Variants in TNFRSF19 observed in about 807,000 individuals in gnomAD.
TNFRSF19 encodes the protein tumor necrosis factor receptor superfamily member 19.
A neutral mutation model predicts 46.4 loss-of-function variants in TNFRSF19; 27 were observed. The observed-to-expected ratio is 0.58, with a 90% CI of 0.43 to 0.80. The LOEUF is 0.80. TNFRSF19 is among the 30% of genes least tolerant of loss of function. The pLI is 0.00. For missense variants in TNFRSF19, 511 were observed against 530.8 expected (o/e 0.96, Z 0.37); for synonymous variants, 204 against 205.0 (o/e 1.00, Z 0.04).
intron 9 of TNFRSF19, chr13:23,669,411 A>G: frequency 9.1e-7 from 1 of 1,101,710 alleles, no homozygotes; most frequent in Non-Finnish European, 1.1e-6. Flanking sequence ...CATCTTGCAG[A>G]CAATTCCTGA....
intron 3 of TNFRSF19, among the ~76,000 whole-genome samples, chr13:23,612,333 T>A (rs1331762793): frequency 2.0e-5 from 3 of 152,206 alleles, no homozygotes; most frequent in Non-Finnish European, 4.4e-5. Flanking sequence ...CTGAATGAAA[T>A]GAAAACATCA....
At chr13:23,579,881 G>C (rs1878274492) in intron 1 of TNFRSF19, among the ~76,000 whole-genome samples, 1 of 151,302 alleles carries the variant, frequency 6.6e-6, no homozygotes, top group African/African-American at 2.4e-5. Flanking sequence ...GCCCAAGCCC[G>C]ACCCGGCCCC....
intron 3 of TNFRSF19, among the ~76,000 whole-genome samples, chr13:23,613,058 CT>C (rs1221723087): frequency 1.3e-5 from 2 of 152,118 alleles, no homozygotes; most frequent in Non-Finnish European, 2.9e-5. Flanking sequence ...ATTATGATTT[CT>C]TTTTGAAAGA....
At chr13:23,656,211 T>A (rs1410748327) in intron 5 of TNFRSF19, among the ~76,000 whole-genome samples, 2 of 152,196 alleles carry the variant, frequency 1.3e-5, no homozygotes, top group African/African-American at 4.8e-5. Flanking sequence ...TTGGATGTAC[T>A]TTTCCTTTAA....
chr13:23,588,001 A>ATGGATCCTAATGGATC (rs1878969481), intron 1 of TNFRSF19, among the ~76,000 whole-genome samples: 1 of 152,194 alleles, frequency 6.6e-6, no homozygotes, highest in South Asian at 2.1e-4. Flanking sequence ...AAGGACTGTC[A>ATGGATCCTAATGGATC]CATCCTAATG....
At position 23,618,369 on chromosome 13, in the gene TNFRSF19, T is replaced by C. The variant is rs144113686; in HGVS notation, c.359+2324T>C. Among the ~76,000 whole-genome samples, 20 of 152,264 alleles carry C rather than the reference T, an allele frequency of 1.3e-4. No individual in the cohort carries two copies. In the East Asian group the frequency reaches 2.3e-3, roughly 18 times the overall value. The stretch of plus-strand genomic sequence containing the variant: ...GAATAGACATTTCTCCAAAGAAATA[T>C]ACAAATGTCCAATAAGCACATGAAA... On this transcript the variant is annotated intron_variant, in intron 4 of 9. Coordinates refer to ENST00000248484, the MANE Select transcript of TNFRSF19 (RefSeq NM_148957.4).
At chr13:23,664,076 C>A (rs1951578186) in intron 7 of TNFRSF19, among the ~76,000 whole-genome samples, 1 of 151,890 alleles carries the variant, frequency 6.6e-6, no homozygotes. Flanking sequence ...TTCTCAAATT[C>A]TTTCTGTTGT....
At position 23,651,840 on chromosome 13, in the gene TNFRSF19, C is replaced by CTTTTT. The variant is rs71070609; in HGVS notation, c.446-7193_446-7189dup. Among the ~76,000 whole-genome samples, 18 of 35,972 alleles carry CTTTTT rather than the reference C, an allele frequency of 5.0e-4. 2 individuals carry two copies. Among genetic ancestry groups the CTTTTT allele is most frequent in the Admixed American group, 1.0e-3 (2 of 1,960 alleles). 23.6% of individuals were successfully genotyped at this position (35,972 alleles called of 152,430 possible). On this transcript the variant is annotated intron_variant, in intron 5 of 9. Coordinates refer to ENST00000248484, the MANE Select transcript of TNFRSF19 (RefSeq NM_148957.4). ...AACCAGTAATCCTTCACACTATAGTCTTTTTTTTTTTTTTTTTTTTTACTC... is the reference window on the plus strand; with the variant it reads ...AACCAGTAATCCTTCACACTATAGTCTTTTTTTTTTTTTTTTTTTTTTTTTTACTC...
chr13:23,606,133 A>G (rs1286564206), intron 3 of TNFRSF19, among the ~76,000 whole-genome samples: 1 of 152,126 alleles, frequency 6.6e-6, no homozygotes, highest in African/African-American at 2.4e-5. Flanking sequence ...GTGTTTCTAA[A>G]CAGAAATACT....
chr13:23,593,827 A>T (rs1343776442), intron 3 of TNFRSF19, among the ~76,000 whole-genome samples: 1 of 152,200 alleles, frequency 6.6e-6, no homozygotes, highest in Non-Finnish European at 1.5e-5. Context: ...GCCGAATAGG[A>T]ACAACTCTGA....
intron 9 of TNFRSF19, among the ~76,000 whole-genome samples, chr13:23,670,420 A>G (rs975984640): frequency 6.6e-6 from 1 of 152,166 alleles, no homozygotes; most frequent in African/African-American, 2.4e-5. Context: ...CATTCTCAAA[A>G]CGGGGGAATG....
intron 9 of TNFRSF19, among the ~76,000 whole-genome samples, chr13:23,671,284 A>C (rs1258511670): frequency 1.3e-5 from 2 of 152,236 alleles, no homozygotes; most frequent in African/African-American, 4.8e-5. Flanking sequence ...TGATGAGAAA[A>C]TATTACACTC....
chr13:23,607,905 T>G (rs1449926729), intron 3 of TNFRSF19, among the ~76,000 whole-genome samples: 1 of 152,220 alleles, frequency 6.6e-6, no homozygotes, highest in African/African-American at 2.4e-5. Flanking sequence ...CTCTGCGGTT[T>G]TATTTCTCCT....
intron 5 of TNFRSF19, among the ~76,000 whole-genome samples, chr13:23,658,232 T>C (rs774868983): frequency 4.6e-5 from 7 of 152,206 alleles, no homozygotes; most frequent in Non-Finnish European, 8.8e-5. Context: ...CTAATGATTC[T>C]ACAGCACAGC....
chr13:23,604,305 T>C (rs1308349733), intron 3 of TNFRSF19, among the ~76,000 whole-genome samples: 2 of 150,746 alleles, frequency 1.3e-5, no homozygotes, highest in Non-Finnish European at 3.0e-5. Flanking sequence ...ACAAAATATG[T>C]ACAAGATCTT....
At position 23,660,510 on chromosome 13, in the gene TNFRSF19, G is replaced by A; in HGVS notation, c.736+20G>A. On this transcript the variant is annotated intron_variant, in intron 7 of 9. Coordinates refer to ENST00000248484, the MANE Select transcript of TNFRSF19 (RefSeq NM_148957.4). ...CCTGCGGTAAGTTCAGCAGGGAAGT[G>A]CCGTTAGGAGGACTGGAGGTACACA... 1 of 1,610,018 alleles carries A rather than the reference G, an allele frequency of 6.2e-7. No individual in the cohort carries two copies. The highest frequency in any genetic ancestry group is 8.5e-7 in the Non-Finnish European group (1 of 1,178,634).
intron 5 of TNFRSF19, among the ~76,000 whole-genome samples, chr13:23,629,827 C>A (rs1307749826): frequency 2.0e-5 from 3 of 152,196 alleles, no homozygotes. Context: ...CCCTGCCTGT[C>A]CTCGGCCATA....
intron 3 of TNFRSF19, among the ~76,000 whole-genome samples, chr13:23,599,068 C>T (rs1158396555): frequency 1.3e-5 from 2 of 152,172 alleles, no homozygotes; most frequent in Non-Finnish European, 2.9e-5. Context: ...TGAGTGGTGG[C>T]TTTTAGTATC....
At chr13:23,593,555 A>G (rs1183538926) in intron 3 of TNFRSF19, 100 bp downstream of exon 3, 2 of 817,090 alleles carry the variant, frequency 2.4e-6, no homozygotes, top group Admixed American at 5.4e-5. Context: ...TTTGGATACC[A>G]TGACAGAATT....
Sources: allele counts gnomAD v4.1 joint callset (sites outside exome capture counted in the v4.1 genomes callset), GRCh38; gene constraint gnomAD v4.1.1; transcripts MANE v1.5; gene names NCBI Gene and HGNC (gene_info 2026-07-23, HGNC 2026-07-21).